Variants in MAPK1IP1L observed in about 807,000 individuals in gnomAD.
The protein encoded by MAPK1IP1L is MAPK-interacting and spindle-stabilizing protein-like.
A neutral mutation model predicts 18.1 loss-of-function variants in MAPK1IP1L; 10 were observed. The ratio of observed to expected loss-of-function variants is 0.55; its 90% CI spans 0.34 to 0.94. MAPK1IP1L has a LOEUF of 0.94. Ranked by LOEUF, MAPK1IP1L falls within the 40% of genes least tolerant of loss-of-function variation. MAPK1IP1L has a pLI of 0.02. For missense variants in MAPK1IP1L, 260 were observed against 318.2 expected (o/e 0.82, Z 1.39); for synonymous variants, 115 against 117.3 (o/e 0.98, Z 0.13).
intron 1 of MAPK1IP1L, among the ~76,000 whole-genome samples, chr14:55,059,793 C>T (rs1339592343): frequency 6.6e-6 from 1 of 151,990 alleles, no homozygotes; most frequent in Non-Finnish European, 1.5e-5. Flanking sequence ...CTGGAGCTAC[C>T]AAGTGAGGTG....
At chr14:55,059,962 A>G (rs867755798) in intron 1 of MAPK1IP1L, among the ~76,000 whole-genome samples, 4 of 152,196 alleles carry the variant, frequency 2.6e-5, no homozygotes, top group Non-Finnish European at 4.4e-5. Flanking sequence ...AAAGGTTTTA[A>G]ACAAGAAGTT....
In MAPK1IP1L at chr14:55,056,482, T is replaced by C. The variant is rs529143274; in HGVS notation, c.-5+4679T>C. 6.6e-5 allele frequency among the ~76,000 whole-genome samples: 10 copies of C among 152,276 alleles called. No homozygotes were observed. In the South Asian group the frequency reaches 2.1e-3, roughly 32 times the overall value. On this transcript the variant is annotated intron_variant, in intron 1 of 3. Transcript: ENST00000395468. Reference sequence around the variant, plus strand: ...GTGTGATGTGATTGACGTTAAACCTTAACATGGGAATGGGTTGTATGTGGG... The same window carrying C: ...GTGTGATGTGATTGACGTTAAACCTCAACATGGGAATGGGTTGTATGTGGG...
intron 1 of MAPK1IP1L, among the ~76,000 whole-genome samples, chr14:55,053,646 C>T (rs781501153): frequency 6.6e-6 from 1 of 152,162 alleles, no homozygotes. Context: ...ACAACCCTTC[C>T]CTTTCTCGCT....
intron 3 of MAPK1IP1L, chr14:55,064,033 T>TTTTTTTTTG (rs1348655243): frequency 1.8e-5 from 2 of 111,292 alleles, no homozygotes; most frequent in African/African-American, 4.1e-5. Flanking sequence ...TTTTTTTTTT[T>TTTTTTTTTG]GAGACAGTCT....
intron 1 of MAPK1IP1L, among the ~76,000 whole-genome samples, chr14:55,060,987 A>T (rs2042813373): frequency 6.6e-6 from 1 of 152,112 alleles, no homozygotes; most frequent in African/African-American, 2.4e-5. Flanking sequence ...ATAAATTTTT[A>T]AAATTTTAAG....
intron 1 of MAPK1IP1L, among the ~76,000 whole-genome samples, chr14:55,056,223 A>G (rs943949636): frequency 2.6e-5 from 4 of 152,186 alleles, no homozygotes; most frequent in African/African-American, 9.7e-5. Flanking sequence ...GAATCAGTTG[A>G]ATATTATTAA....
rs113777038 is a variant in MAPK1IP1L at position 55,053,570 on chromosome 14, A to G, written c.-5+1767A>G. Among the ~76,000 whole-genome samples, 16 of 152,310 alleles carry G rather than the reference A, an allele frequency of 1.1e-4. 1 individual carries two copies. The highest frequency in any genetic ancestry group is 3.4e-4 in the African/African-American group (14 of 41,566). On this transcript the variant is annotated intron_variant, in intron 1 of 3. Coordinates refer to ENST00000395468, the MANE Select transcript of MAPK1IP1L (RefSeq NM_144578.4). ...TGTTCTTTATAGTTCGGGTTCATTCAGATGAGCCGACTTTTAGTGAAATAA... is the reference window on the plus strand; with the variant it reads ...TGTTCTTTATAGTTCGGGTTCATTCGGATGAGCCGACTTTTAGTGAAATAA...
rs536429804 is a variant in MAPK1IP1L, at chr14:55,057,717, C to T, written c.-4-3963C>T. ...GTTACAGTGAACCAAGATCGCGCCA[C>T]TGCACTCCAGTCTGGCGACAGAGCG... is the stretch of plus-strand genomic sequence containing the variant. On this transcript the variant is annotated intron_variant, in intron 1 of 3. Transcript: ENST00000395468. Among the ~76,000 whole-genome samples, 321 of 151,522 alleles carry T rather than the reference C, an allele frequency of 2.1e-3. 1 individual carries two copies. The highest frequency in any genetic ancestry group is 3.9e-3 in the Non-Finnish European group (268 of 67,918).
At chr14:55,062,292 C>T (rs905417339) in intron 2 of MAPK1IP1L, among the ~76,000 whole-genome samples, 1 of 152,148 alleles carries the variant, frequency 6.6e-6, no homozygotes, top group Non-Finnish European at 1.5e-5. Flanking sequence ...AGCCAGGATT[C>T]AAATCCATAT....
At chr14:55,052,102 G>GCGGGCGCGGGC (rs1298084076) in intron 1 of MAPK1IP1L, among the ~76,000 whole-genome samples, 1 of 151,742 alleles carries the variant, frequency 6.6e-6, no homozygotes, top group East Asian at 1.9e-4. Context: ...GCGGGGCGGG[G>GCGGGCGCGGGC]CGGGCGCGGG....
intron 3 of MAPK1IP1L, 34 bp downstream of exon 3, chr14:55,063,359 AT>A: frequency 6.6e-7 from 1 of 1,511,350 alleles, no homozygotes; most frequent in Middle Eastern, 1.7e-4. Context: ...AAGTGTACTA[AT>A]TGTACATAGC....
At chr14:55,056,731 A>G (rs562816068) in intron 1 of MAPK1IP1L, among the ~76,000 whole-genome samples, 7 of 152,136 alleles carry the variant, frequency 4.6e-5, no homozygotes, top group South Asian at 2.1e-4. Context: ...GGATGGTCTC[A>G]ATCTCCTGAC....
In MAPK1IP1L at chr14:55,064,744, CT is replaced by C; in HGVS notation, c.*119del. ...AGAGGGCATTCATGAAAGAACAACTCTTGCACCTCTCAGAGAAGATAACTGC... is the reference window on the plus strand; with the variant it reads ...AGAGGGCATTCATGAAAGAACAACTCTGCACCTCTCAGAGAAGATAACTGC... On this transcript the variant is annotated 3_prime_UTR_variant, in exon 4 of 4. Coordinates refer to ENST00000395468, the MANE Select transcript of MAPK1IP1L (RefSeq NM_144578.4). 1.1e-6 allele frequency: 1 copy of C among 911,304 alleles called. No homozygotes were observed. Among genetic ancestry groups the C allele is most frequent in the Non-Finnish European group, 1.8e-6 (1 of 570,340 alleles). 56.5% of individuals were successfully genotyped at this position (911,304 alleles called of 1,614,324 possible). A position where few individuals can be genotyped will look rare whatever the true frequency, so the allele number is the denominator to read the frequency against.
intron 1 of MAPK1IP1L, among the ~76,000 whole-genome samples, chr14:55,052,336 T>TACA (rs1290538894): frequency 2.2e-4 from 34 of 152,186 alleles, no homozygotes; most frequent in Non-Finnish European, 3.8e-4. Context: ...CGGGCGCTTG[T>TACA]TAATCCGCAG....
At chr14:55,059,225 G>GAAAAAAAAAAAAAAAAAAAAAAAAATTTA (rs3078612) in intron 1 of MAPK1IP1L, among the ~76,000 whole-genome samples, 5 of 63,276 alleles carry the variant, frequency 7.9e-5, no homozygotes, top group East Asian at 5.2e-4. Flanking sequence ...AGGAAAATCT[G>GAAAAAAAAAAAAAAAAAAAAAAAAATTTA]AAAAAAAAAA....
chr14:55,070,176 A>G lies in MAPK1IP1L; in HGVS notation c.*5549A>G, dbSNP rs1029319610. The G allele has an allele frequency of 1.2e-4, 19 of 152,248 alleles. No individual in the cohort carries two copies. The highest frequency in any genetic ancestry group is 4.6e-4 in the African/African-American group (19 of 41,460). 9.4% of individuals were successfully genotyped at this position (152,248 alleles called of 1,614,324 possible). The stretch of plus-strand genomic sequence containing the variant: ...GTTATGAAATGGATGGTGAAATAAT[A>G]AGACCATTCTGGAGCAGGGCCAGTT... On this transcript the variant is annotated 3_prime_UTR_variant, in exon 4 of 4. Transcript: ENST00000395468.
rs550428560 is a variant in MAPK1IP1L at position 55,068,793 on chromosome 14, C to T, written c.*4166C>T. 32 of 152,306 alleles carry T rather than the reference C, an allele frequency of 2.1e-4. No individual in the cohort carries two copies. Among genetic ancestry groups the T allele is most frequent in the African/African-American group, 7.7e-4 (32 of 41,574 alleles). The allele number at this position is 152,306 out of a possible 1,614,324, so 9.4% of individuals were successfully genotyped here. A position where few individuals can be genotyped will look rare whatever the true frequency, so the allele number is the denominator to read the frequency against. Reference sequence around the variant, plus strand: ...GCAAGCTTCTGGCTGTCGAAAACATCTGAGTCATTTATTCAGTAGACAATA... The same window carrying T: ...GCAAGCTTCTGGCTGTCGAAAACATTTGAGTCATTTATTCAGTAGACAATA... On this transcript the variant is annotated 3_prime_UTR_variant, in exon 4 of 4. Coordinates refer to ENST00000395468, the MANE Select transcript of MAPK1IP1L (RefSeq NM_144578.4).
intron 1 of MAPK1IP1L, among the ~76,000 whole-genome samples, chr14:55,053,713 A>G (rs996446543): frequency 5.3e-5 from 8 of 152,056 alleles, no homozygotes; most frequent in Admixed American, 6.6e-5. Context: ...CAGTTTTTAC[A>G]CTAACTGCTC....
intron 1 of MAPK1IP1L, among the ~76,000 whole-genome samples, chr14:55,056,057 A>G (rs188623022): frequency 1.7e-3 from 258 of 152,328 alleles, no homozygotes; most frequent in South Asian, 5.4e-3. Context: ...TTATTCTAGG[A>G]ATGGAGAGCT....
Sources: gnomAD v4.1 joint callset for allele counts (sites outside exome capture counted in the v4.1 genomes callset) on GRCh38, gnomAD v4.1.1 for gene constraint, MANE v1.5 for transcripts, NCBI Gene and HGNC (gene_info 2026-07-23, HGNC 2026-07-21) for gene names.